Variants in SREBF1 observed in about 807,000 individuals in gnomAD.
The protein encoded by SREBF1 is sterol regulatory element-binding protein 1.
In SREBF1, 45 loss-of-function variants were observed where a neutral mutation model predicts 100.1. The ratio of observed to expected loss-of-function variants is 0.45; its 90% confidence interval spans 0.35 to 0.58. The LOEUF (loss-of-function observed/expected upper bound fraction) is 0.58. Among genes scored for constraint, SREBF1 ranks in the 20% least tolerant of loss-of-function variants. The probability of loss-of-function intolerance (pLI) is 0.00; values close to 1 mark genes in which losing one functional copy is unlikely to be tolerated. For missense variants in SREBF1, 1,324 were observed against 1,539.4 expected (o/e 0.86, Z 2.34); for synonymous variants, 657 against 681.8 (o/e 0.96, Z 0.57).
At chr17:17,813,197 G>C in intron 18 of SREBF1, 171 bp downstream of exon 18, 1 of 710,742 alleles carries the variant, frequency 1.4e-6, no homozygotes. Flanking sequence ...TCCAACTCCT[G>C]GGCTCAAGCT....
At chr17:17,818,406 A>G (rs1388384529) in intron 5 of SREBF1, 32 bp from the exon 6 acceptor site, 1 of 1,555,922 alleles carries the variant, frequency 6.4e-7, no homozygotes, top group Non-Finnish European at 8.9e-7. Flanking sequence ...GGGAGCGCAC[A>G]GGTGGCCTGT....
In SREBF1 at chr17:17,820,372, A is replaced by G. The variant is rs376704400; in HGVS notation, c.241T>C (p.Ser81Pro). The change falls in exon 2 of 19, where the codon TCC (serine) becomes CCC (proline). Residue 81 changes from serine to proline, a missense_variant. Physicochemically the swap from Ser to Pro is moderately conservative, Grantham distance 74. Coordinates refer to ENST00000261646, the MANE Select transcript of SREBF1 (RefSeq NM_004176.5). ...SLSPPPATLS[S>P]SLEAFLSGPQ... Reference sequence around the variant, plus strand: ...CCGCTCAGGAAGGCTTCAAGAGAGGAGCTCAATGTGGCAGGAGGTGGAGAC... The same window carrying G: ...CCGCTCAGGAAGGCTTCAAGAGAGGGGCTCAATGTGGCAGGAGGTGGAGAC... 6.2e-7 allele frequency: 1 copy of G among 1,612,240 alleles called. No individual in the cohort carries two copies. Among genetic ancestry groups the G allele is most frequent in the Non-Finnish European group, 8.5e-7 (1 of 1,178,692 alleles).
At chr17:17,813,135 T>TA in intron 18 of SREBF1, 1 of 355,804 alleles carries the variant, frequency 2.8e-6, no homozygotes, top group East Asian at 5.0e-5. Context: ...TGCTTGGTCT[T>TA]TTTTTTTTTT....
chr17:17,828,695 C>G (rs1439440359), intron 1 of SREBF1, among the ~76,000 whole-genome samples: 1 of 152,148 alleles, frequency 6.6e-6, no homozygotes, highest in Admixed American at 6.5e-5. Flanking sequence ...GCAGGCAGAT[C>G]ACTTGAGCCC....
chr17:17,833,024 A>C (rs927468249), intron 1 of SREBF1, among the ~76,000 whole-genome samples: 1 of 152,116 alleles, frequency 6.6e-6, no homozygotes, highest in Admixed American at 6.5e-5. Context: ...ATCGACAGGG[A>C]ATCAGGTGGG....
intron 1 of SREBF1, among the ~76,000 whole-genome samples, chr17:17,827,008 G>C (rs1032822259): frequency 6.6e-6 from 1 of 152,222 alleles, no homozygotes; most frequent in Admixed American, 6.5e-5. Flanking sequence ...AGGCACTGGG[G>C]CCATTATAGA....
intron 5 of SREBF1, 40 bp from the exon 6 acceptor site, chr17:17,818,414 T>C (rs747592710): frequency 6.6e-7 from 1 of 1,525,752 alleles, no homozygotes; most frequent in Admixed American, 1.7e-5. Context: ...ACAGGTGGCC[T>C]GTCAGGTCGG....
rs1439771668 is a variant in SREBF1, at chr17:17,813,315, G to A, written c.3214+53C>T. The A allele has an allele frequency of 8.6e-6, 13 of 1,505,932 alleles. No homozygotes were observed. The Admixed American group carries it at 9.7e-5, about 11-fold the overall frequency. 93.3% of individuals were successfully genotyped at this position (1,505,932 alleles called of 1,614,324 possible). A position where few individuals can be genotyped will look rare whatever the true frequency, so the allele number is the denominator to read the frequency against. On this transcript the variant is annotated intron_variant, in intron 18 of 18. Coordinates refer to ENST00000261646, the MANE Select transcript of SREBF1 (RefSeq NM_004176.5). ...TCCCTTGGTATCACATCCCATGTGC[G>A]CCCTTCCCTGCTGAGCAGACAGCAC...
At chr17:17,818,515 T>A (rs1312860648) in intron 5 of SREBF1, 141 bp from the exon 6 acceptor site, 3 of 687,462 alleles carry the variant, frequency 4.4e-6, no homozygotes, top group South Asian at 1.5e-5. Context: ...TCCTTCTACC[T>A]GAACCGTTCC....
chr17:17,832,859 T>C (rs979181611), intron 1 of SREBF1, among the ~76,000 whole-genome samples: 4 of 151,462 alleles, frequency 2.6e-5, no homozygotes, highest in African/African-American at 7.3e-5. Context: ...AGGCGGAGTT[T>C]GCAGTGAGCC....
At chr17:17,835,367 A>C (rs148462234) in intron 1 of SREBF1, among the ~76,000 whole-genome samples, 8 of 152,314 alleles carry the variant, frequency 5.3e-5, no homozygotes, top group African/African-American at 1.9e-4. Context: ...AAAGCCTCAC[A>C]ATCAGGGCCT....
Position 17,817,505 on chromosome 17 carries a change from G to C in SREBF1, c.1405-48C>G, listed in dbSNP as rs1484587135. 1 of 1,551,066 alleles carries C rather than the reference G, an allele frequency of 6.4e-7. No homozygotes were observed. Among genetic ancestry groups the C allele is most frequent in the Non-Finnish European group, 8.7e-7 (1 of 1,144,650 alleles). ...TGAGGGCAGAATCGGAGGGACCCCA[G>C]AGAGCATGGGGCTGGGAAGGGGGGG... is the stretch of plus-strand genomic sequence containing the variant. On this transcript the variant is annotated intron_variant, in intron 7 of 18. Transcript: ENST00000261646. This position sits in a 1 kb window ranked among gnomAD's most constrained non-coding sequence, Gnocchi z 6.6.
At chr17:17,821,897 C>T (rs930702398) in intron 1 of SREBF1, among the ~76,000 whole-genome samples, 4 of 152,206 alleles carry the variant, frequency 2.6e-5, no homozygotes, top group Admixed American at 6.5e-5. Context: ...ATTGATGGGG[C>T]CAGGCTAGAC....
chr17:17,819,322 G>C lies in SREBF1; in HGVS notation c.844C>G (p.Pro282Ala). 13 of 1,613,724 alleles carry C rather than the reference G, an allele frequency of 8.1e-6. No homozygotes were observed. The highest frequency in any genetic ancestry group is 1.0e-5 in the Non-Finnish European group (12 of 1,180,050). The change falls in exon 4 of 19, where the codon CCG becomes GCG. Residue 282 changes from proline to alanine, a missense_variant and splice_region_variant. By Grantham distance (27) the Pro-to-Ala change is conservative. Transcript: ENST00000261646. ...SGTTVQTGPLPTLVSGGTILA... is the reference protein window; with the variant it reads ...SGTTVQTGPLATLVSGGTILA... ...TATGCCCTGCCCACGTCACCCACCG[G>C]CAAAGGCCCTGTCTGCACAGTGGTG... is the stretch of plus-strand genomic sequence containing the variant.
Position 17,817,851 on chromosome 17 carries a change from C to A in SREBF1, c.1249G>T (p.Val417Leu), listed in dbSNP as rs2229590. The A allele has an allele frequency of 1.9e-6, 3 of 1,607,830 alleles. No individual in the cohort carries two copies. In the African/African-American group the frequency reaches 4.0e-5, roughly 21 times the overall value. ...AGTGTGTCCTCCACCTCAGTCTTCACGCCCTCCATGAGCACGTCTGTGTTC... is the reference window on the plus strand; with the variant it reads ...AGTGTGTCCTCCACCTCAGTCTTCAAGCCCTCCATGAGCACGTCTGTGTTC... The part of the protein sequence containing the change: ...GGNTDVLMEG[V>L]KTEVEDTLTP... The change falls in exon 7 of 19, where the codon GTG (valine) becomes TTG (leucine). Residue 417 changes from valine (V) to leucine (L), a missense_variant. Physicochemically the swap from Val to Leu is conservative, Grantham distance 32 (BLOSUM62 1). Transcript: ENST00000261646. This position sits in a 1 kb window ranked among gnomAD's most constrained non-coding sequence, Gnocchi z 6.6.
At position 17,817,891 on chromosome 17, in the gene SREBF1, G is replaced by T; in HGVS notation, c.1209C>A (p.Ala403=). 5 of 1,602,096 alleles carry T rather than the reference G, an allele frequency of 3.1e-6. No homozygotes were observed. Among genetic ancestry groups the T allele is most frequent in the Non-Finnish European group, 4.2e-6 (5 of 1,179,950 alleles). The change falls in exon 7 of 19, where the codon GCC becomes GCA. Residue 403 remains alanine (A), a synonymous_variant. Coordinates refer to ENST00000261646, the MANE Select transcript of SREBF1 (RefSeq NM_004176.5). The surrounding 1 kb of genome is among the most constrained non-coding windows in gnomAD (Gnocchi z 6.6). ...CGTCTGTGTTCCCTCCACTGCCACAGGCCGACACCAGATCCTTCAGAGATT... is the reference window on the plus strand; with the variant it reads ...CGTCTGTGTTCCCTCCACTGCCACATGCCGACACCAGATCCTTCAGAGATT... ...KSKSLKDLVS[A]CGSGGNTDVL...
intron 1 of SREBF1, among the ~76,000 whole-genome samples, chr17:17,825,371 A>G (rs2034420765): frequency 6.6e-6 from 1 of 151,790 alleles, no homozygotes; most frequent in Non-Finnish European, 1.5e-5. Flanking sequence ...CCCCAGGGGC[A>G]GCAGAGTCAT....
At position 17,817,629 on chromosome 17, in the gene SREBF1, G is replaced by T; in HGVS notation, c.1404+67C>A. Reference sequence around the variant, plus strand: ...AGGTAGGATCTGTTAGGGTCTTCCCGGCCCTGTCATGAGGCTCAGAGGATA... The same window carrying T: ...AGGTAGGATCTGTTAGGGTCTTCCCTGCCCTGTCATGAGGCTCAGAGGATA... On this transcript the variant is annotated intron_variant, in intron 7 of 18. Transcript: ENST00000261646. This position sits in a 1 kb window ranked among gnomAD's most constrained non-coding sequence, Gnocchi z 6.6. 1 of 1,597,338 alleles carries T rather than the reference G, an allele frequency of 6.3e-7. No homozygotes were observed. The highest frequency in any genetic ancestry group is 8.6e-7 in the Non-Finnish European group (1 of 1,167,504).
In SREBF1 at chr17:17,836,890, C is replaced by G; in HGVS notation, c.-73G>C. On this transcript the variant is annotated 5_prime_UTR_variant, in exon 1 of 19. Coordinates refer to ENST00000261646, the MANE Select transcript of SREBF1 (RefSeq NM_004176.5). ...CGGCCCTTCCTAGGGAGCGCCGCCG[C>G]GGCCCCGGCTCTCAGTCGCCGCCGC... The G allele has an allele frequency of 1.5e-6, 2 of 1,367,726 alleles. No homozygotes were observed. The highest frequency in any genetic ancestry group is 1.9e-6 in the Non-Finnish European group (2 of 1,044,926). 84.7% of individuals were successfully genotyped at this position (1,367,726 alleles called of 1,614,324 possible). A position where few individuals can be genotyped will look rare whatever the true frequency, so the allele number is the denominator to read the frequency against.
Sources: allele counts gnomAD v4.1 joint callset (sites outside exome capture counted in the v4.1 genomes callset), GRCh38; gene constraint gnomAD v4.1.1; non-coding constraint Gnocchi (gnomAD v3.1); transcripts MANE v1.5; gene names NCBI Gene and HGNC (gene_info 2026-07-23, HGNC 2026-07-21).